FOXP1: variants seen among roughly 807,000 people sequenced by gnomAD.
FOXP1 encodes the protein forkhead box protein P1.
FOXP1 carries 15 observed loss-of-function variants against 98.2 expected under a neutral mutation model. The ratio of observed to expected loss-of-function variants is 0.15; its 90% CI spans 0.10 to 0.24. The LOEUF is 0.24. Among genes scored for constraint, FOXP1 ranks in the 10% least tolerant of loss-of-function variants. The pLI, the probability that FOXP1 is intolerant of heterozygous loss-of-function variation, is 1.00. For missense variants in FOXP1, 633 were observed against 848.5 expected, an observed-to-expected ratio of 0.75 and a Z score of 3.15; for synonymous variants, 371 against 314.5, an observed-to-expected ratio of 1.18 and a Z score of -1.90.
At chr3:71,052,725 T>A (rs1205710179) in intron 8 of FOXP1, 99 bp from the exon 9 acceptor site, 1 of 774,858 alleles carries the variant, frequency 1.3e-6, no homozygotes, top group African/African-American at 1.7e-5. Flanking sequence ...AATAGCATCC[T>A]TTTATCTGTA....
In FOXP1 at chr3:71,434,631, G is replaced by GGTGTGTGTGTGTGTGT. The variant is rs55643841; in HGVS notation, c.-168+58779_-168+58794dup. Among the ~76,000 whole-genome samples, 7 of 142,342 alleles carry GGTGTGTGTGTGTGTGT rather than the reference G, an allele frequency of 4.9e-5. 1 individual carries two copies. Among genetic ancestry groups the GGTGTGTGTGTGTGTGT allele is most frequent in the African/African-American group, 1.8e-4 (7 of 37,898 alleles). 93.4% of individuals were successfully genotyped at this position (142,342 alleles called of 152,430 possible). On this transcript the variant is annotated intron_variant, in intron 3 of 20. Transcript: ENST00000649528. Reference sequence around the variant, plus strand: ...CACGGTGACCCTCATGAGGGGATGGGGTGTGTGTGTGTGTGTGTGTGTGTG... The same window carrying GGTGTGTGTGTGTGTGT: ...CACGGTGACCCTCATGAGGGGATGGGGTGTGTGTGTGTGTGTGTGTGTGTGTGTGTGTGTGTGTGTG...
chr3:71,348,545 GTGTGCGTGCGCGCGCGCACGCATATGCA>G (rs2077539069), intron 4 of FOXP1, among the ~76,000 whole-genome samples: 1 of 128,944 alleles, frequency 7.8e-6, no homozygotes, highest in African/African-American at 3.3e-5. Flanking sequence ...GTGTGTGTGT[GTGTGCGTGCGCGCGCGCACGCATATGCA>G]TGTGTGTATA....
At chr3:71,107,222 A>C (rs929783711) in intron 7 of FOXP1, among the ~76,000 whole-genome samples, 27 of 152,204 alleles carry the variant, frequency 1.8e-4, no homozygotes, top group African/African-American at 6.3e-4. Flanking sequence ...CTTGCACCAA[A>C]ATTTTGGAGG....
At chr3:70,973,082 A>AACAC (rs1253490289) in intron 17 of FOXP1, among the ~76,000 whole-genome samples, 1 of 152,202 alleles carries the variant, frequency 6.6e-6, no homozygotes, top group African/African-American at 2.4e-5. Context: ...ACGAAAGAGG[A>AACAC]ACACTTGGTT....
At chr3:71,295,096 G>A (rs1337544993) in intron 5 of FOXP1, among the ~76,000 whole-genome samples, 1 of 152,176 alleles carries the variant, frequency 6.6e-6, no homozygotes, top group African/African-American at 2.4e-5. Context: ...TGAGTGTACT[G>A]TATGTGTGTA....
intron 2 of FOXP1, among the ~76,000 whole-genome samples, chr3:71,503,996 G>C (rs1384102779): frequency 6.6e-6 from 1 of 152,038 alleles, no homozygotes; most frequent in Non-Finnish European, 1.5e-5. Flanking sequence ...CAAGACCCAG[G>C]GGGTGAGTAC....
chr3:70,977,225 T>C (rs747789787), intron 16 of FOXP1, among the ~76,000 whole-genome samples, 183 bp from the exon 17 acceptor site: 1 of 152,170 alleles, frequency 6.6e-6, no homozygotes, highest in African/African-American at 2.4e-5. Context: ...AATGGAATTA[T>C]CTAATTGTTT....
intron 2 of FOXP1, among the ~76,000 whole-genome samples, chr3:71,560,975 A>C (rs1358838850): frequency 6.6e-6 from 1 of 152,216 alleles, no homozygotes; most frequent in Non-Finnish European, 1.5e-5. Context: ...TCTGTGGGAC[A>C]TAAAAATGTT....
chr3:71,362,445 A>G (rs574027406), intron 3 of FOXP1, among the ~76,000 whole-genome samples: 7 of 152,276 alleles, frequency 4.6e-5, no homozygotes, highest in African/African-American at 1.7e-4. Context: ...TGCCAGGATT[A>G]TAGGCGTGAG....
chr3:71,328,919 C>T (rs867637961), intron 4 of FOXP1, among the ~76,000 whole-genome samples: 3 of 140,560 alleles, frequency 2.1e-5, no homozygotes, highest in South Asian at 2.3e-4. Flanking sequence ...TGTGGTGAGC[C>T]GAGATCGTGC....
intron 4 of FOXP1, among the ~76,000 whole-genome samples, chr3:71,345,495 T>C (rs4677610): frequency 0.4 from 59,970 of 151,116 alleles, 14,191 homozygotes; most frequent in East Asian, 0.73. Flanking sequence ...ATTGAAAAGA[T>C]GCCTTTAGCT....
intron 6 of FOXP1, among the ~76,000 whole-genome samples, chr3:71,155,882 C>A (rs535888941): frequency 6.6e-6 from 1 of 152,292 alleles, no homozygotes; most frequent in African/African-American, 2.4e-5. Flanking sequence ...ACAAGACAGC[C>A]CCGCAGTGCA....
At chr3:71,393,454 T>C (rs1204102050) in intron 3 of FOXP1, among the ~76,000 whole-genome samples, 1 of 152,136 alleles carries the variant, frequency 6.6e-6, no homozygotes, top group Non-Finnish European at 1.5e-5. Flanking sequence ...TTATGTATAC[T>C]TGCCTCTCTA....
chr3:71,234,975 G>A (rs2066652020), intron 5 of FOXP1, among the ~76,000 whole-genome samples: 1 of 152,106 alleles, frequency 6.6e-6, no homozygotes, highest in Non-Finnish European at 1.5e-5. Context: ...TCTTCCTATG[G>A]TCATCTCACA....
chr3:71,318,398 C>T (rs1289188700), intron 4 of FOXP1, among the ~76,000 whole-genome samples: 1 of 152,144 alleles, frequency 6.6e-6, no homozygotes, highest in Non-Finnish European at 1.5e-5. Context: ...TCAGACTATT[C>T]AATTAATAAA....
chr3:71,053,784 A>G lies in FOXP1; in HGVS notation c.283-11T>C. On this transcript the variant is annotated splice_polypyrimidine_tract_variant and intron_variant, in intron 7 of 20. Transcript: ENST00000649528. ...CACTGACACGGGAACCTAGAATGTT[A>G]ATGAAGGATAAATAGGAAGCCAGGA... 6.2e-7 allele frequency: 1 copy of G among 1,613,944 alleles called. No individual in the cohort carries two copies. The highest frequency in any genetic ancestry group is 8.5e-7 in the Non-Finnish European group (1 of 1,179,928).
At chr3:71,397,361 A>G (rs2081604729) in intron 3 of FOXP1, among the ~76,000 whole-genome samples, 1 of 152,048 alleles carries the variant, frequency 6.6e-6, no homozygotes, top group Non-Finnish European at 1.5e-5. Flanking sequence ...GTGGATGAGC[A>G]TTTATAATCT....
chr3:70,974,401 G>A (rs780105405), intron 17 of FOXP1, among the ~76,000 whole-genome samples: 21 of 151,918 alleles, frequency 1.4e-4, no homozygotes, highest in African/African-American at 4.1e-4. Context: ...GGGCTCAAGC[G>A]AGTCTCCTGC....
chr3:71,106,625 C>CTT (rs35593682), intron 7 of FOXP1, among the ~76,000 whole-genome samples: 3 of 143,818 alleles, frequency 2.1e-5, no homozygotes, highest in Admixed American at 1.4e-4. Context: ...CACCCGGCCA[C>CTT]TTTTTTTTTT....
Sources: gnomAD v4.1 joint callset for allele counts (sites outside exome capture counted in the v4.1 genomes callset) on GRCh38, gnomAD v4.1.1 for gene constraint, MANE v1.5 for transcripts, NCBI Gene and HGNC (gene_info 2026-07-23, HGNC 2026-07-21) for gene names.